The following TNRC6A variants were observed in gnomAD, a reference collection of about 807,000 sequenced individuals.
TNRC6A encodes trinucleotide repeat containing adaptor 6A.
TNRC6A carries 44 observed loss-of-function variants against 221.2 expected under a neutral mutation model. The ratio of observed to expected loss-of-function variants is 0.20; its 90% CI spans 0.16 to 0.26. The LOEUF is 0.26. Among genes scored for constraint, TNRC6A ranks in the 10% least tolerant of loss-of-function variants. TNRC6A has a pLI of 1.00. For synonymous variants in TNRC6A, 847 were observed against 838.5 expected (o/e 1.01, Z -0.18); for missense variants, 2,199 against 2,404.4 (o/e 0.91, Z 1.79).
intron 2 of TNRC6A, among the ~76,000 whole-genome samples, chr16:24,689,882 T>C (rs2055716722): frequency 6.6e-6 from 1 of 150,742 alleles, no homozygotes; most frequent in Admixed American, 6.7e-5. Flanking sequence ...CCCAGTTAGC[T>C]AGGACTATAG....
chr16:24,700,923 G>A (rs145881061), intron 2 of TNRC6A, among the ~76,000 whole-genome samples: 2 of 152,120 alleles, frequency 1.3e-5, no homozygotes, highest in East Asian at 1.9e-4. Context: ...TGTTTCTCTC[G>A]CTCTTTGGAA....
chr16:24,758,502 G>T (rs2057298677), intron 4 of TNRC6A, 142 bp downstream of exon 4: 3 of 836,144 alleles, frequency 3.6e-6, no homozygotes, highest in South Asian at 1.6e-5. Context: ...ACATACCCTG[G>T]GGTCGTCCTT....
chr16:24,790,179 A>G lies in TNRC6A; in HGVS notation c.1537A>G (p.Lys513Glu), dbSNP rs778821340. The change falls in exon 6 of 25, where the codon AAA becomes GAA. Residue 513 changes from lysine to glutamate, a missense_variant. By Grantham distance (56) the Lys-to-Glu change is moderately conservative. Transcript: ENST00000395799. ...TTCTCACCTTAGCAATGGAGAGTCAAAAAGTGGAGGCTCTTATGGTACTAC... is the reference window on the plus strand; with the variant it reads ...TTCTCACCTTAGCAATGGAGAGTCAGAAAGTGGAGGCTCTTATGGTACTAC... Reference protein sequence around the residue: ...SLSHLSNGESKSGGSYGTTWG... With the variant: ...SLSHLSNGESESGGSYGTTWG... 3 of 1,614,202 alleles carry G rather than the reference A, an allele frequency of 1.9e-6. No homozygotes were observed. Among genetic ancestry groups the G allele is most frequent in the South Asian group, 1.1e-5 (1 of 91,082 alleles).
chr16:24,650,070 TG>T (rs1902553954), intron 2 of TNRC6A, among the ~76,000 whole-genome samples: 1 of 149,204 alleles, frequency 6.7e-6, no homozygotes, highest in Non-Finnish European at 1.5e-5. Context: ...ATGATCTGCC[TG>T]CCTTGGCCTT....
At chr16:24,772,586 A>C (rs1214980807) in intron 4 of TNRC6A, among the ~76,000 whole-genome samples, 1 of 152,012 alleles carries the variant, frequency 6.6e-6, no homozygotes, top group African/African-American at 2.4e-5. Context: ...GGAGTTCGAG[A>C]CCAGCCTGGC....
intron 2 of TNRC6A, among the ~76,000 whole-genome samples, chr16:24,668,151 A>G (rs2055212608): frequency 6.6e-6 from 1 of 151,892 alleles, no homozygotes; most frequent in South Asian, 2.1e-4. Flanking sequence ...AACATGGTGA[A>G]ACCCCCTCTC....
intron 2 of TNRC6A, among the ~76,000 whole-genome samples, chr16:24,749,466 G>C (rs1021995235): frequency 1.3e-5 from 2 of 152,208 alleles, no homozygotes; most frequent in Non-Finnish European, 2.9e-5. Context: ...GCTACTATCT[G>C]TGGCTGTGTA....
intron 2 of TNRC6A, chr16:24,670,919 T>C: frequency 3.0e-6 from 1 of 332,774 alleles, no homozygotes; most frequent in South Asian, 2.2e-5. Flanking sequence ...GCCCCCACAC[T>C]TCCTTACATG....
intron 2 of TNRC6A, among the ~76,000 whole-genome samples, chr16:24,706,691 C>CAAAAA (rs372757286): frequency 2.3e-5 from 2 of 85,488 alleles, no homozygotes; most frequent in Admixed American, 1.3e-4. Context: ...GACTCTGTCT[C>CAAAAA]AAAAAAAAAA....
chr16:24,815,123 T>G, intron 18 of TNRC6A, 24 bp from the exon 19 acceptor site: 1 of 1,600,622 alleles, frequency 6.2e-7, no homozygotes, highest in Non-Finnish European at 8.5e-7. Context: ...TGCTCACATT[T>G]CTCTATTATT....
chr16:24,677,352 G>A (rs986190517), intron 2 of TNRC6A, among the ~76,000 whole-genome samples: 2 of 151,918 alleles, frequency 1.3e-5, no homozygotes, highest in Non-Finnish European at 2.9e-5. Context: ...TAGTAGAGAC[G>A]GGGTTTTGCC....
chr16:24,711,580 T>A (rs775533200), intron 2 of TNRC6A, among the ~76,000 whole-genome samples: 1 of 152,220 alleles, frequency 6.6e-6, no homozygotes, highest in Non-Finnish European at 1.5e-5. Flanking sequence ...AATTAAATCA[T>A]GCAATCTGTC....
intron 22 of TNRC6A, among the ~76,000 whole-genome samples, chr16:24,821,118 G>T (rs745915778): frequency 1.3e-5 from 2 of 152,246 alleles, no homozygotes; most frequent in Non-Finnish European, 2.9e-5. Context: ...TTGAGTGCGG[G>T]TTAATTATAG....
chr16:24,750,696 G>T, intron 2 of TNRC6A, 30 bp from the exon 3 acceptor site: 1 of 1,490,138 alleles, frequency 6.7e-7, no homozygotes, highest in Non-Finnish European at 8.9e-7. Flanking sequence ...AATACATTTT[G>T]GGAAACTTAA....
intron 2 of TNRC6A, among the ~76,000 whole-genome samples, chr16:24,718,498 T>C (rs776379202): frequency 2.6e-5 from 4 of 152,146 alleles, no homozygotes; most frequent in Non-Finnish European, 4.4e-5. Context: ...GTTCAAGTCA[T>C]AGAGGCTTTG....
intron 4 of TNRC6A, among the ~76,000 whole-genome samples, chr16:24,772,988 T>A (rs2057644049): frequency 6.6e-6 from 1 of 152,222 alleles, no homozygotes; most frequent in South Asian, 2.1e-4. Flanking sequence ...ATAAATATAT[T>A]AATTGCCGAA....
chr16:24,727,121 C>G (rs2056505419), upstream of TNRC6A, among the ~76,000 whole-genome samples: 1 of 151,238 alleles, frequency 6.6e-6, no homozygotes, highest in Non-Finnish European at 1.5e-5. Flanking sequence ...CCTCTGCCTC[C>G]TGGGTTCAAG....
rs1396516244 is a variant in TNRC6A at position 24,790,646 on chromosome 16, T to A, written c.2004T>A (p.Gly668=). 1.2e-6 allele frequency: 2 copies of A among 1,613,814 alleles called. No individual in the cohort carries two copies. The highest frequency in any genetic ancestry group is 3.3e-5 in the Admixed American group (2 of 59,970). ...GCAGTGTGTGGGCCAAAACAGGAGG[T>A]ACAGTGGAGAGCGATGGTAGTACAG... ...EQSSVWAKTG[G]TVESDGSTES... Residue 668 remains glycine, a synonymous_variant, in exon 6 of 25, where the codon GGT becomes GGA. Transcript: ENST00000395799.
At chr16:24,751,569 G>T (rs752587910) in intron 3 of TNRC6A, among the ~76,000 whole-genome samples, 5 of 152,112 alleles carry the variant, frequency 3.3e-5, no homozygotes, top group Non-Finnish European at 7.4e-5. Flanking sequence ...ACTGATAATA[G>T]TTAGCTAAAT....
Sources: gnomAD v4.1 joint callset for allele counts (sites outside exome capture counted in the v4.1 genomes callset) on GRCh38, gnomAD v4.1.1 for gene constraint, MANE v1.5 for transcripts, NCBI Gene and HGNC (gene_info 2026-07-23, HGNC 2026-07-21) for gene names.